The following SEMA5A variants were observed in gnomAD, a reference collection of about 807,000 sequenced individuals.
SEMA5A encodes the protein semaphorin 5A.
SEMA5A carries 55 observed loss-of-function variants against 135.5 expected under a neutral mutation model. The observed-to-expected ratio is 0.41, with a 90% confidence interval of 0.33 to 0.51. SEMA5A has a LOEUF of 0.51. Among genes scored for constraint, SEMA5A ranks in the 20% least tolerant of loss-of-function variants. The probability of loss-of-function intolerance (pLI) is 0.37; values close to 1 mark genes in which losing one functional copy is unlikely to be tolerated. For synonymous variants in SEMA5A, 580 were observed against 546.5 expected (o/e 1.06, Z -0.85); for missense variants, 1,290 against 1,419.9 (o/e 0.91, Z 1.47).
At chr5:9,526,060 T>C (rs950057203) in intron 1 of SEMA5A, among the ~76,000 whole-genome samples, 5 of 152,166 alleles carry the variant, frequency 3.3e-5, no homozygotes, top group African/African-American at 7.2e-5. Flanking sequence ...AGAAAAGTAA[T>C]CAAAAGGAGC....
intron 8 of SEMA5A, among the ~76,000 whole-genome samples, chr5:9,210,649 T>C (rs960205293): frequency 1.3e-5 from 2 of 152,076 alleles, no homozygotes; most frequent in Non-Finnish European, 2.9e-5. Flanking sequence ...GGAGGAAGGG[T>C]GCAAGCTCTG....
chr5:9,189,395 GAAAA>G (rs34061066), intron 11 of SEMA5A, among the ~76,000 whole-genome samples: 1 of 141,066 alleles, frequency 7.1e-6, no homozygotes, highest in African/African-American at 2.6e-5. Context: ...GCAACTTCAT[GAAAA>G]AAAAAAAAAA....
At chr5:9,189,335 C>T (rs1744970210) in intron 11 of SEMA5A, among the ~76,000 whole-genome samples, 1 of 151,772 alleles carries the variant, frequency 6.6e-6, no homozygotes, top group African/African-American at 2.4e-5. Flanking sequence ...CAGTTTCCTT[C>T]CCAGTGTTTC....
chr5:9,195,225 C>T (rs1745323366), intron 10 of SEMA5A, among the ~76,000 whole-genome samples: 1 of 152,138 alleles, frequency 6.6e-6, no homozygotes, highest in Non-Finnish European at 1.5e-5. Context: ...GACTGGAGTG[C>T]AGTGGATGGA....
intron 2 of SEMA5A, among the ~76,000 whole-genome samples, chr5:9,389,304 C>T (rs571352883): frequency 6.6e-6 from 1 of 152,276 alleles, no homozygotes; most frequent in African/African-American, 2.4e-5. Flanking sequence ...TTTCTTCAAA[C>T]CCATGTGATT....
chr5:9,112,851 A>T (rs966017656), intron 15 of SEMA5A, among the ~76,000 whole-genome samples: 4 of 152,222 alleles, frequency 2.6e-5, no homozygotes, highest in Admixed American at 1.3e-4. Context: ...TATGTTACAT[A>T]GATTGTAATA....
Position 9,353,359 on chromosome 5 carries a change from A to AAAGGG in SEMA5A, c.125-15548_125-15547insCCCTT, listed in dbSNP as rs1561177938. Among the ~76,000 whole-genome samples the AAAGGG allele has an allele frequency of 5.8e-4, 59 of 100,954 alleles. 3 individuals are homozygous for AAAGGG. The highest frequency in any genetic ancestry group is 9.7e-4 in the East Asian group (4 of 4,126). 66.2% of individuals were successfully genotyped at this position (100,954 alleles called of 152,430 possible). Reference sequence around the variant, plus strand: ...AAATGAAAGGAAAGGAAAGGGAAGGAAAGGAAAGGAAAGGAAAGGAAAGGA... The same window carrying AAAGGG: ...AAATGAAAGGAAAGGAAAGGGAAGGAAAGGGAAGGAAAGGAAAGGAAAGGAAAGGA... On this transcript the variant is annotated intron_variant, in intron 3 of 22. Coordinates refer to ENST00000382496, the MANE Select transcript of SEMA5A (RefSeq NM_003966.3).
At chr5:9,506,838 T>A (rs918234373) in intron 1 of SEMA5A, among the ~76,000 whole-genome samples, 1 of 152,192 alleles carries the variant, frequency 6.6e-6, no homozygotes, top group Non-Finnish European at 1.5e-5. Flanking sequence ...CCCCTCTATG[T>A]GCTATCCGAG....
chr5:9,414,854 C>T (rs1359724836), intron 2 of SEMA5A, among the ~76,000 whole-genome samples: 11 of 152,102 alleles, frequency 7.2e-5, no homozygotes, highest in Admixed American at 2.6e-4. Flanking sequence ...ACCAAGAGCC[C>T]GTTACCTTGT....
intron 11 of SEMA5A, among the ~76,000 whole-genome samples, chr5:9,180,997 T>C (rs1245755220): frequency 6.6e-6 from 1 of 152,176 alleles, no homozygotes; most frequent in East Asian, 1.9e-4. Context: ...CCTCTGTACT[T>C]AAAATGAGTT....
rs13178426 is a variant in SEMA5A, at chr5:9,221,412, C to T, written c.646+3262G>A. On this transcript the variant is annotated intron_variant, in intron 8 of 22. Transcript: ENST00000382496. ...CCGCCTCCCGGGTTCACACCATTCT[C>T]CTGCCTCAGCCTCCCGAGTAGCTGG... Among the ~76,000 whole-genome samples, 1,377 of 144,022 alleles carry T rather than the reference C, an allele frequency of 9.6e-3. 13 individuals are homozygous for T. The highest frequency in any genetic ancestry group is 0.015 in the Non-Finnish European group (972 of 63,330). 94.5% of individuals were successfully genotyped at this position (144,022 alleles called of 152,430 possible).
chr5:9,126,583 A>C (rs1741127565), intron 13 of SEMA5A, among the ~76,000 whole-genome samples: 1 of 151,308 alleles, frequency 6.6e-6, no homozygotes, highest in Non-Finnish European at 1.5e-5. Context: ...CTGAATTATT[A>C]CAGGGCCAGG....
chr5:9,226,485 G>T lies in SEMA5A; in HGVS notation c.432+384C>A, dbSNP rs560509974. ...GGCTAATTTTTTCTTCCCTTGGATT[G>T]TGATTTTAGACCATTTTAATAATTT... is the stretch of plus-strand genomic sequence containing the variant. On this transcript the variant is annotated intron_variant, in intron 7 of 22. Coordinates refer to ENST00000382496, the MANE Select transcript of SEMA5A (RefSeq NM_003966.3). Among the ~76,000 whole-genome samples, 263 of 152,054 alleles carry T rather than the reference G, an allele frequency of 1.7e-3. 1 individual carries two copies. The highest frequency in any genetic ancestry group is 3.2e-3 in the Non-Finnish European group (217 of 68,008).
At chr5:9,081,962 C>T (rs568900809) in intron 16 of SEMA5A, among the ~76,000 whole-genome samples, 2 of 152,214 alleles carry the variant, frequency 1.3e-5, no homozygotes, top group African/African-American at 4.8e-5. Flanking sequence ...ACAGGAAAAG[C>T]ATCTGTTGTC....
chr5:9,107,597 C>G (rs1041289724), intron 16 of SEMA5A, among the ~76,000 whole-genome samples: 4 of 152,180 alleles, frequency 2.6e-5, no homozygotes, highest in African/African-American at 9.7e-5. Context: ...AACAGAAAAA[C>G]TCCTGGGACA....
rs564665297 is a variant in SEMA5A, at chr5:9,192,427, A to G, written c.1069-1956T>C. 3.7e-4 allele frequency among the ~76,000 whole-genome samples: 56 copies of G among 152,346 alleles called. 1 individual carries two copies. Among genetic ancestry groups the G allele is most frequent in the African/African-American group, 1.3e-3 (54 of 41,572 alleles). ...GACAATGTGCCTGGCACTAAAGAGA[A>G]GCCATTCAACTAATGGTGAATGGTA... On this transcript the variant is annotated intron_variant, in intron 10 of 22. Transcript: ENST00000382496.
At chr5:9,527,540 G>A (rs564192524) in intron 1 of SEMA5A, among the ~76,000 whole-genome samples, 25 of 152,282 alleles carry the variant, frequency 1.6e-4, no homozygotes, top group Middle Eastern at 3.4e-3. Context: ...CAGAGGTGGC[G>A]ATTCAACTGC....
intron 2 of SEMA5A, among the ~76,000 whole-genome samples, chr5:9,381,405 C>T (rs1755601583): frequency 6.6e-6 from 1 of 152,190 alleles, no homozygotes; most frequent in African/African-American, 2.4e-5. Flanking sequence ...AGAGCTGGAT[C>T]TATGTTCTCC....
At chr5:9,124,272 C>T (rs1350884481) in intron 13 of SEMA5A, among the ~76,000 whole-genome samples, 1 of 152,116 alleles carries the variant, frequency 6.6e-6, no homozygotes, top group Non-Finnish European at 1.5e-5. Flanking sequence ...CCAGCATGTA[C>T]CTGGCTCATT....
Sources: allele counts gnomAD v4.1 joint callset (sites outside exome capture counted in the v4.1 genomes callset), GRCh38; gene constraint gnomAD v4.1.1; transcripts MANE v1.5; gene names NCBI Gene and HGNC (gene_info 2026-07-23, HGNC 2026-07-21).